WWOX: variants seen among roughly 807,000 people sequenced by gnomAD.
The protein encoded by WWOX is WW domain containing oxidoreductase.
Under a neutral mutation model 46.2 loss-of-function variants are expected in WWOX, and 69 were observed. The observed-to-expected ratio is 1.49, with a 90% CI of 1.23 to 1.82. The LOEUF is 1.82. Among genes scored for constraint, WWOX ranks in the 40% most tolerant of loss-of-function variants. The pLI is 0.00. For synonymous variants in WWOX, 359 were observed against 202.6 expected (o/e 1.77, Z -6.56); for missense variants, 919 against 542.6 (o/e 1.69, Z -6.89).
At position 79,125,347 on chromosome 16, in the gene WWOX, G is replaced by T. The variant is rs146942727; in HGVS notation, c.1057-86261G>T. 9.9e-5 allele frequency among the ~76,000 whole-genome samples: 15 copies of T among 152,264 alleles called. No homozygotes were observed. The East Asian group carries it at 2.5e-3, about 25-fold the overall frequency. Reference sequence around the variant, plus strand: ...TGAGAACATTTCCTAAATGCTCATAGCGTCCAATAGCATGGGAAAGTAAAT... The same window carrying T: ...TGAGAACATTTCCTAAATGCTCATATCGTCCAATAGCATGGGAAAGTAAAT... On this transcript the variant is annotated intron_variant, in intron 8 of 8. Coordinates refer to ENST00000566780, the MANE Select transcript of WWOX (RefSeq NM_016373.4).
intron 8 of WWOX, among the ~76,000 whole-genome samples, chr16:78,700,142 A>G (rs2048181397): frequency 6.6e-6 from 1 of 151,104 alleles, no homozygotes; most frequent in African/African-American, 2.4e-5. Context: ...TAGTCAGTCC[A>G]GGCTGCTATA....
chr16:78,107,462 A>G (rs765388522), intron 1 of WWOX, among the ~76,000 whole-genome samples: 5 of 152,136 alleles, frequency 3.3e-5, no homozygotes, highest in African/African-American at 7.2e-5. Context: ...TGGATGTACA[A>G]TATTCTTATA....
chr16:78,980,667 A>G (rs2046662596), intron 8 of WWOX, among the ~76,000 whole-genome samples: 1 of 152,208 alleles, frequency 6.6e-6, no homozygotes, highest in Non-Finnish European at 1.5e-5. Context: ...CCCACATGGC[A>G]TTTCAAATCA....
chr16:78,538,346 G>A (rs1020811259), intron 8 of WWOX, among the ~76,000 whole-genome samples: 26 of 151,812 alleles, frequency 1.7e-4, no homozygotes, highest in African/African-American at 6.3e-4. Context: ...GGCTGCCAGC[G>A]CTCTATACAT....
At chr16:79,068,817 AC>A (rs2048491157) in intron 8 of WWOX, among the ~76,000 whole-genome samples, 1 of 107,054 alleles carries the variant, frequency 9.3e-6, no homozygotes, top group African/African-American at 3.4e-5. Flanking sequence ...TCTCAAAAAA[AC>A]CCAATAATAA....
At chr16:78,653,310 A>G (rs1368712036) in intron 8 of WWOX, among the ~76,000 whole-genome samples, 1 of 152,212 alleles carries the variant, frequency 6.6e-6, no homozygotes, top group Non-Finnish European at 1.5e-5. Flanking sequence ...ACACTATTTT[A>G]AAAAATAACT....
At chr16:78,801,875 T>C (rs1316242915) in intron 8 of WWOX, among the ~76,000 whole-genome samples, 1 of 152,232 alleles carries the variant, frequency 6.6e-6, no homozygotes, top group Non-Finnish European at 1.5e-5. Flanking sequence ...AGTCCGATTG[T>C]CCTGATCTAA....
At chr16:78,898,462 G>C (rs1037207167) in intron 8 of WWOX, 6 of 151,910 alleles carry the variant, frequency 3.9e-5, no homozygotes, top group Admixed American at 6.6e-5. Context: ...TATATGTGTG[G>C]GTGTATTTCT....
At chr16:78,403,204 T>C (rs185248426) in intron 6 of WWOX, among the ~76,000 whole-genome samples, 1 of 152,352 alleles carries the variant, frequency 6.6e-6, no homozygotes, top group Non-Finnish European at 1.5e-5. Flanking sequence ...AAACAATTTT[T>C]TTCTTATTGT....
chr16:78,574,228 G>A (rs1194293682), intron 8 of WWOX, among the ~76,000 whole-genome samples: 1 of 152,148 alleles, frequency 6.6e-6, no homozygotes, highest in Non-Finnish European at 1.5e-5. Context: ...ACAAGATGGT[G>A]TCTTACATGC....
intron 8 of WWOX, among the ~76,000 whole-genome samples, chr16:78,614,170 C>G (rs1597349551): frequency 6.6e-6 from 1 of 152,190 alleles, no homozygotes; most frequent in South Asian, 2.1e-4. Context: ...GGACAAACAA[C>G]TTCTGTCAGC....
chr16:79,058,994 A>C (rs140750529), intron 8 of WWOX, among the ~76,000 whole-genome samples: 9 of 152,228 alleles, frequency 5.9e-5, no homozygotes, highest in Admixed American at 2.6e-4. Context: ...AACAATGACT[A>C]TTATACAGAT....
chr16:78,707,574 A>C (rs1470510485), intron 8 of WWOX, among the ~76,000 whole-genome samples: 1 of 152,176 alleles, frequency 6.6e-6, no homozygotes, highest in East Asian at 1.9e-4. Flanking sequence ...ACAGATGCTC[A>C]AAATCTGCAG....
Position 78,800,104 on chromosome 16 carries a change from G to A in WWOX, c.1056+367352G>A, listed in dbSNP as rs552177399. Among the ~76,000 whole-genome samples, 5 of 152,146 alleles carry A rather than the reference G, an allele frequency of 3.3e-5. No individual in the cohort carries two copies. In the South Asian group the frequency reaches 8.3e-4, roughly 25 times the overall value. On this transcript the variant is annotated intron_variant, in intron 8 of 8. Transcript: ENST00000566780. ...GGCTCTGAGATGATACGTTTGTCAC[G>A]GTTCATAAATTTTATCTTTGCACTA...
chr16:78,452,537 C>T (rs117232044), intron 8 of WWOX, among the ~76,000 whole-genome samples: 10,437 of 141,038 alleles, frequency 0.074, 443 homozygotes, highest in East Asian at 0.21. Context: ...AGTGCAGTGG[C>T]GGATCTTGGC....
intron 5 of WWOX, among the ~76,000 whole-genome samples, chr16:78,249,432 A>G (rs770000007): frequency 6.6e-6 from 1 of 152,226 alleles, no homozygotes; most frequent in Non-Finnish European, 1.5e-5. Context: ...TGCACGCCGC[A>G]TTAGCCTCTC....
chr16:79,031,493 T>G lies in WWOX; in HGVS notation c.1057-180115T>G, dbSNP rs1202808513. On this transcript the variant is annotated intron_variant, in intron 8 of 8. Coordinates refer to ENST00000566780, the MANE Select transcript of WWOX (RefSeq NM_016373.4). The stretch of plus-strand genomic sequence containing the variant: ...CCATGTTAATGTAATTCTTATGAAT[T>G]TGAGATAAAGTGGTCATTAAAGCCT... 3.3e-5 allele frequency among the ~76,000 whole-genome samples: 5 copies of G among 152,208 alleles called. No homozygotes were observed. In the East Asian group the frequency reaches 9.7e-4, roughly 29 times the overall value.
intron 5 of WWOX, among the ~76,000 whole-genome samples, chr16:78,329,655 G>C (rs1369526987): frequency 6.6e-6 from 1 of 152,174 alleles, no homozygotes; most frequent in Non-Finnish European, 1.5e-5. Flanking sequence ...AACCGTTGTG[G>C]GGAAGCGTGC....
chr16:78,267,368 A>C (rs947652332), intron 5 of WWOX, among the ~76,000 whole-genome samples: 1 of 152,280 alleles, frequency 6.6e-6, no homozygotes, highest in East Asian at 1.9e-4. Context: ...TAATTAAGAA[A>C]TAAAAATGAA....
Sources: allele counts gnomAD v4.1 joint callset (sites outside exome capture counted in the v4.1 genomes callset), GRCh38; gene constraint gnomAD v4.1.1; transcripts MANE v1.5; gene names NCBI Gene and HGNC (gene_info 2026-07-23, HGNC 2026-07-21).